FAM171B: variants seen among roughly 807,000 people sequenced by gnomAD.
FAM171B encodes protein FAM171B.
In FAM171B, 19 loss-of-function variants were observed where a neutral mutation model predicts 75.6. The ratio of observed to expected loss-of-function variants is 0.25; its 90% CI spans 0.18 to 0.37. FAM171B has a LOEUF of 0.37. FAM171B is among the 10% of genes least tolerant of loss of function. FAM171B has a pLI of 1.00. For missense variants in FAM171B, 848 were observed against 982.4 expected, an observed-to-expected ratio of 0.86 and a Z score of 1.83; for synonymous variants, 367 against 361.7, an observed-to-expected ratio of 1.01 and a Z score of -0.17.
intron 1 of FAM171B, among the ~76,000 whole-genome samples, chr2:186,696,137 GT>G (rs1260968329): frequency 6.6e-6 from 1 of 152,108 alleles, no homozygotes; most frequent in African/African-American, 2.4e-5. Flanking sequence ...GAAATTAGCA[GT>G]TTTTGTTTTA....
intron 3 of FAM171B, 122 bp downstream of exon 3, chr2:186,743,697 C>T (rs1404954173): frequency 1.5e-5 from 10 of 672,926 alleles, no homozygotes; most frequent in Non-Finnish European, 2.3e-5. Context: ...GTATGATTAG[C>T]ACTGACTATA....
At chr2:186,747,590 T>A (rs1690384330) in intron 4 of FAM171B, among the ~76,000 whole-genome samples, 1 of 152,130 alleles carries the variant, frequency 6.6e-6, no homozygotes, top group Non-Finnish European at 1.5e-5. Context: ...ATTCAAAAAT[T>A]AAAATTCAGT....
At chr2:186,728,808 A>T (rs1488831718) in intron 1 of FAM171B, among the ~76,000 whole-genome samples, 1 of 152,202 alleles carries the variant, frequency 6.6e-6, no homozygotes, top group African/African-American at 2.4e-5. Context: ...CCATGTGTAT[A>T]GTTGTAACCT....
rs766742914 is a variant in FAM171B, at chr2:186,694,377, G to A, written c.204G>A (p.Glu68=). ...QLEEAEEERT[E]VPGATSTLTV... ...AGGAGGCTGAGGAGGAGAGGACAGAGGTGCCTGGGGCAACCTCCACCTTGA... is the reference window on the plus strand; with the variant it reads ...AGGAGGCTGAGGAGGAGAGGACAGAAGTGCCTGGGGCAACCTCCACCTTGA... The change falls in exon 1 of 8, where the codon GAG becomes GAA. Residue 68 remains glutamate (E), a synonymous_variant. Coordinates refer to ENST00000304698, the MANE Select transcript of FAM171B (RefSeq NM_177454.4). The A allele has an allele frequency of 1.2e-6, 2 of 1,612,866 alleles. No individual in the cohort carries two copies. Among genetic ancestry groups the A allele is most frequent in the African/African-American group, 1.3e-5 (1 of 75,044 alleles).
chr2:186,705,876 A>G (rs1334975812), intron 1 of FAM171B, among the ~76,000 whole-genome samples: 1 of 152,200 alleles, frequency 6.6e-6, no homozygotes, highest in Non-Finnish European at 1.5e-5. Flanking sequence ...TATGTAATAA[A>G]TATCTTCTGA....
Position 186,762,517 on chromosome 2 carries a change from A to G in FAM171B, c.2175A>G (p.Thr725=). 1.9e-6 allele frequency: 3 copies of G among 1,613,578 alleles called. No homozygotes were observed. The highest frequency in any genetic ancestry group is 1.3e-5 in the African/African-American group (1 of 74,946). Residue 725 remains threonine (T), a synonymous_variant, in exon 8 of 8, where the codon ACA becomes ACG. Transcript: ENST00000304698. This position sits in a 1 kb window ranked among gnomAD's most constrained non-coding sequence, Gnocchi z 4.0. ...GTAGAAAGCTCGAGAGGGAGAAAAC[A>G]TTCATCAAAAGCATGCATCAGCCCA... ...HSSRKLEREK[T]FIKSMHQPKI...
Position 186,694,381 on chromosome 2 carries a change from C to G in FAM171B, c.208C>G (p.Pro70Ala), listed in dbSNP as rs1165438149. 2 of 1,612,512 alleles carry G rather than the reference C, an allele frequency of 1.2e-6. No individual in the cohort carries two copies. The highest frequency in any genetic ancestry group is 1.7e-6 in the Non-Finnish European group (2 of 1,179,444). The change falls in exon 1 of 8, where the codon CCT becomes GCT. Residue 70 changes from proline to alanine, a missense_variant. By Grantham distance (27) the Pro-to-Ala change is conservative (BLOSUM62 -1). Transcript: ENST00000304698. ...EEAEEERTEV[P>A]GATSTLTVPV... ...GGCTGAGGAGGAGAGGACAGAGGTG[C>G]CTGGGGCAACCTCCACCTTGACGGT...
intron 1 of FAM171B, among the ~76,000 whole-genome samples, chr2:186,701,047 G>T (rs886648578): frequency 2.0e-5 from 3 of 151,794 alleles, no homozygotes; most frequent in Admixed American, 1.3e-4. Flanking sequence ...CTCCTAAGTA[G>T]CTGGGATTAC....
intron 1 of FAM171B, among the ~76,000 whole-genome samples, chr2:186,711,412 C>T (rs1205346418): frequency 1.3e-5 from 2 of 152,118 alleles, no homozygotes; most frequent in African/African-American, 4.8e-5. Flanking sequence ...CTGGTTATAC[C>T]ACCATCATCC....
intron 1 of FAM171B, among the ~76,000 whole-genome samples, chr2:186,707,841 TAA>T (rs11352829): frequency 1.9e-3 from 274 of 144,266 alleles, no homozygotes; most frequent in East Asian, 9.5e-3. Flanking sequence ...TTTTTTTTTT[TAA>T]AAAAAAAAAA....
chr2:186,698,998 A>G (rs1050319044), intron 1 of FAM171B, among the ~76,000 whole-genome samples: 11 of 152,164 alleles, frequency 7.2e-5, no homozygotes, highest in Non-Finnish European at 1.6e-4. Flanking sequence ...CATTGTGTAT[A>G]TGTATCACAT....
chr2:186,761,925 C>A lies in FAM171B; in HGVS notation c.1583C>A (p.Pro528His). 6.2e-7 allele frequency: 1 copy of A among 1,613,282 alleles called. No homozygotes were observed. Among genetic ancestry groups the A allele is most frequent in the Non-Finnish European group, 8.5e-7 (1 of 1,179,712 alleles). Residue 528 changes from proline to histidine, a missense_variant, in exon 8 of 8, where the codon CCT (proline) becomes CAT (histidine). Coordinates refer to ENST00000304698, the MANE Select transcript of FAM171B (RefSeq NM_177454.4). ...GAGGCGTATGGGCGTTCCCATATTC[C>A]TGAACAGCTTATGCATATTTACAGC... ...NEEAYGRSHI[P>H]EQLMHIYSQP...
rs1176414010 is a variant in FAM171B, at chr2:186,750,063, T to A, written c.725-1071T>A. On this transcript the variant is annotated intron_variant, in intron 4 of 7. Coordinates refer to ENST00000304698, the MANE Select transcript of FAM171B (RefSeq NM_177454.4). ...ATGAGTACATGGTGCTGGTAGGGAC[T>A]TTGTAAATATTTGTTAAATGAATGA... Among the ~76,000 whole-genome samples, 5 of 152,316 alleles carry A rather than the reference T, an allele frequency of 3.3e-5. No individual in the cohort carries two copies. The East Asian group carries it at 7.7e-4, about 23-fold the overall frequency.
At position 186,764,243 on chromosome 2, in the gene FAM171B, A is replaced by C. The variant is rs965130168; in HGVS notation, c.*1420A>C. 1 of 151,892 alleles carries C rather than the reference A, an allele frequency of 6.6e-6. No individual in the cohort carries two copies. The highest frequency in any genetic ancestry group is 1.5e-5 in the Non-Finnish European group (1 of 67,924). The allele number at this position is 151,892 out of a possible 1,614,324, so 9.4% of individuals were successfully genotyped here. A position where few individuals can be genotyped will look rare whatever the true frequency, so the allele number is the denominator to read the frequency against. ...TATTCAACATGGGAGCAGCATAGAGACCCAAACCATGTAAACAAGTTCAGT... is the reference window on the plus strand; with the variant it reads ...TATTCAACATGGGAGCAGCATAGAGCCCCAAACCATGTAAACAAGTTCAGT... On this transcript the variant is annotated 3_prime_UTR_variant, in exon 8 of 8. Coordinates refer to ENST00000304698, the MANE Select transcript of FAM171B (RefSeq NM_177454.4).
chr2:186,744,107 C>T (rs1422848781), intron 3 of FAM171B, among the ~76,000 whole-genome samples: 1 of 152,164 alleles, frequency 6.6e-6, no homozygotes, highest in Non-Finnish European at 1.5e-5. Context: ...TTCTGCTTTA[C>T]CAACCATGAA....
chr2:186,735,294 T>C (rs1690183084), intron 1 of FAM171B, among the ~76,000 whole-genome samples: 1 of 151,984 alleles, frequency 6.6e-6, no homozygotes, highest in African/African-American at 2.4e-5. Context: ...TCATAGGGAG[T>C]CAAAGCTGTC....
chr2:186,732,737 C>T (rs1205938030), intron 1 of FAM171B, among the ~76,000 whole-genome samples: 1 of 152,196 alleles, frequency 6.6e-6, no homozygotes, highest in East Asian at 1.9e-4. Flanking sequence ...TTGGGAGCGG[C>T]TGCATGTGCA....
At chr2:186,733,426 T>G (rs1026697122) in intron 1 of FAM171B, among the ~76,000 whole-genome samples, 6 of 150,770 alleles carry the variant, frequency 4.0e-5, no homozygotes, top group Non-Finnish European at 7.4e-5. Context: ...AATTTGGAGG[T>G]TTTTCAAAGA....
chr2:186,702,711 T>A (rs994736028), intron 1 of FAM171B, among the ~76,000 whole-genome samples: 1 of 152,138 alleles, frequency 6.6e-6, no homozygotes, highest in Admixed American at 6.5e-5. Flanking sequence ...TCACTTTCCA[T>A]CATTATTAAT....
Sources: gnomAD v4.1 joint callset for allele counts (sites outside exome capture counted in the v4.1 genomes callset) on GRCh38, gnomAD v4.1.1 for gene constraint, Gnocchi (gnomAD v3.1) non-coding constraint, MANE v1.5 for transcripts, NCBI Gene and HGNC (gene_info 2026-07-23, HGNC 2026-07-21) for gene names.